The following XIRP2 variants were observed in gnomAD, a reference collection of about 807,000 sequenced individuals.
XIRP2 encodes the protein xin actin binding repeat containing 2.
A neutral mutation model predicts 277.0 loss-of-function variants in XIRP2; 236 were observed. The observed-to-expected ratio is 0.85, with a 90% CI of 0.77 to 0.95. XIRP2 has a LOEUF of 0.95. Ranked by LOEUF, XIRP2 falls within the 40% of genes least tolerant of loss-of-function variation. The pLI is 0.00. For missense variants in XIRP2, 4,640 were observed against 4,157.5 expected (o/e 1.12, Z -3.19); for synonymous variants, 1,490 against 1,416.5 (o/e 1.05, Z -1.17).
chr2:166,947,020 G>T (rs1346445410), intron 2 of XIRP2, among the ~76,000 whole-genome samples: 2 of 152,036 alleles, frequency 1.3e-5, no homozygotes, highest in Non-Finnish European at 2.9e-5. Context: ...ACACTGAAAA[G>T]TATGATAAAT....
chr2:166,953,617 G>A (rs1686091862), intron 2 of XIRP2, among the ~76,000 whole-genome samples: 1 of 151,934 alleles, frequency 6.6e-6, no homozygotes, highest in Non-Finnish European at 1.5e-5. Flanking sequence ...AAATGGCCAT[G>A]CTCTGGATTA....
intron 2 of XIRP2, among the ~76,000 whole-genome samples, chr2:166,928,212 G>A (rs148624214): frequency 2.0e-4 from 30 of 152,238 alleles, no homozygotes; most frequent in Admixed American, 9.8e-4. Flanking sequence ...AAACCAAGGT[G>A]AGGTTGGGAA....
At chr2:166,942,221 C>G (rs1207023522) in intron 2 of XIRP2, among the ~76,000 whole-genome samples, 2 of 152,156 alleles carry the variant, frequency 1.3e-5, no homozygotes, top group Non-Finnish European at 2.9e-5. Flanking sequence ...CTCTGTTCTA[C>G]ATGTAACTAC....
intron 2 of XIRP2, among the ~76,000 whole-genome samples, chr2:167,045,147 G>A (rs1240324693): frequency 1.3e-5 from 2 of 152,046 alleles, no homozygotes; most frequent in African/African-American, 4.8e-5. Context: ...AGTAAGCAAT[G>A]GGAAAAGGAT....
rs74990634 is a variant in XIRP2, at chr2:166,925,485, G to A, written c.408+21595G>A. ...AATAGTTGCTTCAAACAGCATAATC[G>A]GCTCAACTCACTTGCTGCAAATGGC... On this transcript the variant is annotated intron_variant, in intron 2 of 10. Coordinates refer to ENST00000409195, the MANE Select transcript of XIRP2 (RefSeq NM_152381.6). Among the ~76,000 whole-genome samples, 52 of 150,716 alleles carry A rather than the reference G, an allele frequency of 3.5e-4. No homozygotes were observed. In the East Asian group the frequency reaches 5.3e-3, roughly 15 times the overall value.
intron 2 of XIRP2, among the ~76,000 whole-genome samples, chr2:167,104,476 A>T (rs1198960884): frequency 6.6e-6 from 1 of 152,136 alleles, no homozygotes; most frequent in Admixed American, 6.6e-5. Flanking sequence ...AACACATCAG[A>T]TAACTGAGGT....
At chr2:167,093,773 AC>A (rs1690217762) in intron 2 of XIRP2, among the ~76,000 whole-genome samples, 1 of 152,116 alleles carries the variant, frequency 6.6e-6, no homozygotes. Context: ...ACCGCAATAA[AC>A]ATATGTGTGC....
At chr2:167,141,049 T>G (rs1691702817) in intron 3 of XIRP2, 1 of 152,122 alleles carries the variant, frequency 6.6e-6, no homozygotes, top group East Asian at 1.9e-4. Flanking sequence ...ATTTCCAAAA[T>G]CCCAGGAACT....
At chr2:167,125,877 C>G (rs1019277498) in intron 2 of XIRP2, among the ~76,000 whole-genome samples, 1 of 152,156 alleles carries the variant, frequency 6.6e-6, no homozygotes, top group South Asian at 2.1e-4. Flanking sequence ...ATGTTTTCAT[C>G]TAACGTGGGC....
At chr2:167,178,468 A>C (rs1359771259) in intron 3 of XIRP2, among the ~76,000 whole-genome samples, 1 of 152,140 alleles carries the variant, frequency 6.6e-6, no homozygotes, top group Non-Finnish European at 1.5e-5. Flanking sequence ...CTGTTTGACA[A>C]ATTTCTTCCA....
At chr2:167,144,930 G>T (rs1463566942) in intron 3 of XIRP2, among the ~76,000 whole-genome samples, 1 of 152,114 alleles carries the variant, frequency 6.6e-6, no homozygotes, top group Non-Finnish European at 1.5e-5. Context: ...ATCAAGTTAA[G>T]AATTCTGGTG....
At chr2:166,987,292 G>T (rs1687032209) in intron 2 of XIRP2, among the ~76,000 whole-genome samples, 1 of 152,238 alleles carries the variant, frequency 6.6e-6, no homozygotes. Flanking sequence ...ACTAGATATA[G>T]AGTAAACTAA....
rs189211332 is a variant in XIRP2 at position 167,047,578 on chromosome 2, G to A, written c.409-88331G>A. Among the ~76,000 whole-genome samples, 75 of 151,958 alleles carry A rather than the reference G, an allele frequency of 4.9e-4. No homozygotes were observed. The East Asian group carries it at 0.013, about 27-fold the overall frequency. ...CAATAAAATTATTCAGAAATATGGAGGATAAAAAGTTCCTAAGTAACGAAA... is the reference window on the plus strand; with the variant it reads ...CAATAAAATTATTCAGAAATATGGAAGATAAAAAGTTCCTAAGTAACGAAA... On this transcript the variant is annotated intron_variant, in intron 2 of 10. Transcript: ENST00000409195.
chr2:167,236,442 A>G (rs933373667), intron 5 of XIRP2, among the ~76,000 whole-genome samples: 4 of 152,038 alleles, frequency 2.6e-5, no homozygotes, highest in African/African-American at 9.7e-5. Flanking sequence ...TTTTTGTGAT[A>G]TAGTTGGTTA....
chr2:167,246,925 C>T lies in XIRP2; in HGVS notation c.5533C>T (p.Leu1845=). The stretch of plus-strand genomic sequence containing the variant: ...TATAAAAGGTGATTTGACATCAACC[C>T]TAAATTCCCTCAGCCAGGCTGTAAA... The part of the protein sequence containing the change: ...EIIKGDLTST[L]NSLSQAVNQK... The change falls in exon 9 of 11, where the codon CTA becomes TTA. Residue 1845 remains leucine, a synonymous_variant. Coordinates refer to ENST00000409195, the MANE Select transcript of XIRP2 (RefSeq NM_152381.6). 6.2e-7 allele frequency: 1 copy of T among 1,613,224 alleles called. No homozygotes were observed. The highest frequency in any genetic ancestry group is 1.1e-5 in the South Asian group (1 of 91,032).
At chr2:167,159,514 A>AAT (rs1692301638) in intron 3 of XIRP2, among the ~76,000 whole-genome samples, 2 of 152,204 alleles carry the variant, frequency 1.3e-5, no homozygotes, top group Admixed American at 1.3e-4. Context: ...ATGATTTAAG[A>AAT]ATAAATTATT....
rs1573990722 is a variant in XIRP2 at position 167,243,461 on chromosome 2, A to G, written c.2069A>G (p.Lys690Arg). Residue 690 changes from lysine (K) to arginine (R), a missense_variant, in exon 9 of 11, where the codon AAG becomes AGG. Physicochemically the swap from Lys to Arg is conservative, Grantham distance 26. Transcript: ENST00000409195. ...AAGGACATAACTGGGGGGGATGTCA[A>G]GACTGTGAGATACATGTTTGAAACT... is the stretch of plus-strand genomic sequence containing the variant. Reference protein sequence around the residue: ...ISKDITGGDVKTVRYMFETQH... With the variant: ...ISKDITGGDVRTVRYMFETQH... 1 of 1,614,024 alleles carries G rather than the reference A, an allele frequency of 6.2e-7. No individual in the cohort carries two copies. Among genetic ancestry groups the G allele is most frequent in the African/African-American group, 1.3e-5 (1 of 74,930 alleles).
chr2:167,051,082 A>T (rs1445924743), intron 2 of XIRP2, among the ~76,000 whole-genome samples: 2 of 152,000 alleles, frequency 1.3e-5, no homozygotes, highest in African/African-American at 4.8e-5. Context: ...TTGTAGCCAT[A>T]TTCCATACTG....
rs1254600790 is a variant in XIRP2, at chr2:167,251,651, C to T, written c.10259C>T (p.Ser3420Leu). The change falls in exon 9 of 11, where the codon TCA becomes TTA. Residue 3420 changes from serine (S) to leucine (L), a missense_variant. Transcript: ENST00000409195. ...ACCAGGTCTCTAAGTGAACATTTCT[C>T]AGGCATGGATGCATTTGAGAGTCAA... ...SETRSLSEHF[S>L]GMDAFESQIV... The T allele has an allele frequency of 1.2e-6, 2 of 1,613,352 alleles. No individual in the cohort carries two copies. Among genetic ancestry groups the T allele is most frequent in the Non-Finnish European group, 1.7e-6 (2 of 1,179,658 alleles).
Sources: allele counts gnomAD v4.1 joint callset (sites outside exome capture counted in the v4.1 genomes callset), GRCh38; gene constraint gnomAD v4.1.1; transcripts MANE v1.5; gene names NCBI Gene and HGNC (gene_info 2026-07-23, HGNC 2026-07-21).